Variants in ZBTB40 observed in about 807,000 individuals in gnomAD.
ZBTB40 encodes zinc finger and BTB domain-containing protein 40.
A neutral mutation model predicts 117.5 loss-of-function variants in ZBTB40; 60 were observed. The observed-to-expected ratio is 0.51, with a 90% confidence interval of 0.41 to 0.63. ZBTB40 has a LOEUF of 0.63. Ranked by LOEUF, ZBTB40 falls within the 30% of genes least tolerant of loss-of-function variation. The probability of loss-of-function intolerance (pLI) is 0.00; values close to 1 mark genes in which losing one functional copy is unlikely to be tolerated. For missense variants in ZBTB40, 1,287 were observed against 1,498.5 expected (o/e 0.86, Z 2.33); for synonymous variants, 525 against 577.1 (o/e 0.91, Z 1.29).
intron 1 of ZBTB40, among the ~76,000 whole-genome samples, chr1:22,462,890 A>G (rs564257576): frequency 1.3e-5 from 2 of 152,356 alleles, no homozygotes; most frequent in South Asian, 4.1e-4. Flanking sequence ...TTTGACATAT[A>G]TAGAAGATAC....
Position 22,513,668 on chromosome 1 carries a change from T to C in ZBTB40, c.2668+538T>C, listed in dbSNP as rs1639301815. Among the ~76,000 whole-genome samples the C allele has an allele frequency of 6.6e-6, 1 of 152,122 alleles. No homozygotes were observed. ...GTGAGCTGAGATTGTGCCACTGCAC[T>C]CCAGCCTGGGCAACAGAGTGAGACT... On this transcript the variant is annotated intron_variant, in intron 12 of 17. Coordinates refer to ENST00000375647, the MANE Select transcript of ZBTB40 (RefSeq NM_014870.4). The surrounding 1 kb of genome is among the most constrained non-coding windows in gnomAD (Gnocchi z 4.9).
rs187792120 is a variant in ZBTB40, at chr1:22,511,710, G to C, written c.2037G>C (p.Thr679=). The C allele has an allele frequency of 1.3e-5, 21 of 1,608,886 alleles. No individual in the cohort carries two copies. The highest frequency in any genetic ancestry group is 1.8e-5 in the Non-Finnish European group (21 of 1,178,700). ...VLTKEDGEKE[T]WKVSNKFHLE... ...CTAAGGAAGATGGAGAGAAGGAAAC[G>C]TGGAAGGTGAGTAATAAATTTCACC... Residue 679 remains threonine, a synonymous_variant, in exon 11 of 18, where the codon ACG becomes ACC. Transcript: ENST00000375647.
chr1:22,447,036 G>C (rs144540663), upstream of ZBTB40, among the ~76,000 whole-genome samples: 1 of 151,612 alleles, frequency 6.6e-6, no homozygotes, highest in South Asian at 2.1e-4. Context: ...CCAGGAGGTC[G>C]AGGCTGCAGT....
intron 3 of ZBTB40, among the ~76,000 whole-genome samples, chr1:22,495,631 C>T (rs970660099): frequency 7.2e-5 from 11 of 152,160 alleles, no homozygotes; most frequent in Non-Finnish European, 1.5e-4. Context: ...CCTGCCTAAG[C>T]CTCCTGAGTA....
chr1:22,525,405 G>A lies in ZBTB40; in HGVS notation c.3526-797G>A, dbSNP rs530435219. On this transcript the variant is annotated intron_variant, in intron 17 of 17. Transcript: ENST00000375647. ...GTAGCTGGGCTTGGCTTCCTCACTT[G>A]TTCCTGCTCTCTGCTCTTCACTGAT... Among the ~76,000 whole-genome samples, 9 of 152,294 alleles carry A rather than the reference G, an allele frequency of 5.9e-5. 1 individual carries two copies. The East Asian group carries it at 1.5e-3, about 26-fold the overall frequency.
At position 22,529,447 on chromosome 1, in the gene ZBTB40, G is replaced by C. The variant is rs755951008; in HGVS notation, c.*3051G>C. The C allele has an allele frequency of 2.0e-5, 3 of 152,426 alleles. No homozygotes were observed. Among genetic ancestry groups the C allele is most frequent in the Non-Finnish European group, 2.9e-5 (2 of 68,146 alleles). The allele number at this position is 152,426 out of a possible 1,614,324, so 9.4% of individuals were successfully genotyped here. A position where few individuals can be genotyped will look rare whatever the true frequency, so the allele number is the denominator to read the frequency against. On this transcript the variant is annotated 3_prime_UTR_variant, in exon 18 of 18. Coordinates refer to ENST00000375647, the MANE Select transcript of ZBTB40 (RefSeq NM_014870.4). The stretch of plus-strand genomic sequence containing the variant: ...AAAGGCAGTCAGATTCCAGGCTGGA[G>C]TGTGATTCTGTGGGAATACTGGGGT...
At chr1:22,464,856 C>CT (rs34118965) in intron 1 of ZBTB40, among the ~76,000 whole-genome samples, 2 of 151,926 alleles carry the variant, frequency 1.3e-5, no homozygotes, top group East Asian at 1.9e-4. Flanking sequence ...CTTCAAGTGC[C>CT]TTTTTTTCCC....
chr1:22,499,660 G>A (rs926689651), intron 3 of ZBTB40, among the ~76,000 whole-genome samples: 1 of 152,190 alleles, frequency 6.6e-6, no homozygotes, highest in Non-Finnish European at 1.5e-5. Flanking sequence ...TTTTGTCTAT[G>A]TGTACTTTTG....
chr1:22,446,150 T>G (rs1343989834), intron 1 of ZBTB40, among the ~76,000 whole-genome samples: 2 of 151,912 alleles, frequency 1.3e-5, no homozygotes, highest in Non-Finnish European at 2.9e-5. Flanking sequence ...GATACGCTTA[T>G]TATAATGCAC....
At position 22,489,831 on chromosome 1, in the gene ZBTB40, C is replaced by T. The variant is rs112186592; in HGVS notation, c.-69-49C>T. 7.9e-3 allele frequency: 7,335 copies of T among 933,494 alleles called. 329 individuals are homozygous for T. The African/African-American group carries it at 0.095, about 12-fold the overall frequency. The allele number at this position is 933,494 out of a possible 1,614,324, so 57.8% of individuals were successfully genotyped here. A position where few individuals can be genotyped will look rare whatever the true frequency, so the allele number is the denominator to read the frequency against. ...ATTTAGCGTTTCATTCAAGGCCTTTCCCTATGGTTTTTTGAAGTTTTAACC... is the reference window on the plus strand; with the variant it reads ...ATTTAGCGTTTCATTCAAGGCCTTTTCCTATGGTTTTTTGAAGTTTTAACC... On this transcript the variant is annotated intron_variant, in intron 1 of 17. Coordinates refer to ENST00000375647, the MANE Select transcript of ZBTB40 (RefSeq NM_014870.4).
At chr1:22,432,010 C>T (rs927471778) in intron 1 of ZBTB40, among the ~76,000 whole-genome samples, 2 of 151,936 alleles carry the variant, frequency 1.3e-5, no homozygotes, top group East Asian at 1.9e-4. Flanking sequence ...AAACAACAGA[C>T]ATTTATTCTT....
At chr1:22,433,431 T>TCAAAAAACAAAAA (rs1277245081) in intron 1 of ZBTB40, among the ~76,000 whole-genome samples, 1 of 4,304 alleles carries the variant, frequency 2.3e-4, no homozygotes, top group African/African-American at 4.6e-4. Context: ...AGACGCCCTC[T>TCAAAAAACAAAAA]CAAAAAAAAA....
chr1:22,457,905 A>G (rs1265309191), intron 1 of ZBTB40, among the ~76,000 whole-genome samples: 4 of 152,104 alleles, frequency 2.6e-5, no homozygotes, highest in African/African-American at 9.7e-5. Context: ...CCTTGTCCCC[A>G]TTAGCTCCAG....
intron 1 of ZBTB40, among the ~76,000 whole-genome samples, chr1:22,436,869 G>T (rs953652919): frequency 9.9e-5 from 15 of 151,984 alleles, no homozygotes; most frequent in Admixed American, 4.6e-4. Flanking sequence ...TTCATATCTA[G>T]AAATTCTGAA....
intron 12 of ZBTB40, among the ~76,000 whole-genome samples, chr1:22,516,519 A>G (rs916435429): frequency 6.6e-6 from 1 of 152,314 alleles, no homozygotes; most frequent in African/African-American, 2.4e-5. Context: ...AGGCTCCTCA[A>G]TAATTTCACC....
At chr1:22,434,272 C>G (rs183646651) in intron 1 of ZBTB40, among the ~76,000 whole-genome samples, 163 of 152,260 alleles carry the variant, frequency 1.1e-3, no homozygotes, top group African/African-American at 3.8e-3. Flanking sequence ...CTTTGTGTCT[C>G]TGCTCATTTT....
intron 17 of ZBTB40, among the ~76,000 whole-genome samples, chr1:22,524,790 A>C (rs569616054): frequency 1.3e-5 from 2 of 152,354 alleles, no homozygotes; most frequent in Non-Finnish European, 2.9e-5. Flanking sequence ...GACTGCCTGC[A>C]GTTGAAGTGC....
intron 1 of ZBTB40, among the ~76,000 whole-genome samples, chr1:22,467,623 C>T (rs988720950): frequency 5.3e-5 from 8 of 151,952 alleles, no homozygotes; most frequent in African/African-American, 1.9e-4. Flanking sequence ...CACAGGTGGG[C>T]ACCACTACAC....
upstream of ZBTB40, among the ~76,000 whole-genome samples, chr1:22,451,198 C>G (rs1640861118): frequency 6.6e-6 from 1 of 152,258 alleles, no homozygotes; most frequent in Admixed American, 6.5e-5. Context: ...AGCGCCAAGC[C>G]TGTCCCACAA....
Sources: allele counts gnomAD v4.1 joint callset (sites outside exome capture counted in the v4.1 genomes callset), GRCh38; gene constraint gnomAD v4.1.1; non-coding constraint Gnocchi (gnomAD v3.1); transcripts MANE v1.5; gene names NCBI Gene and HGNC (gene_info 2026-07-23, HGNC 2026-07-21).